FAM20A: variants seen among roughly 807,000 people sequenced by gnomAD.
The protein encoded by FAM20A is pseudokinase FAM20A.
Under a neutral mutation model 52.0 loss-of-function variants are expected in FAM20A, and 42 were observed. The ratio of observed to expected loss-of-function variants is 0.81; its 90% CI spans 0.63 to 1.04. FAM20A has a LOEUF of 1.04. Among genes scored for constraint, FAM20A ranks in the 50% least tolerant of loss-of-function variants. FAM20A has a pLI of 0.00. For missense variants in FAM20A, 742 were observed against 712.7 expected (o/e 1.04, Z -0.47); for synonymous variants, 304 against 298.9 (o/e 1.02, Z -0.18).
intron 6 of FAM20A, 145 bp from the exon 7 acceptor site, chr17:68,542,310 T>C: frequency 1.1e-6 from 1 of 939,338 alleles, no homozygotes; most frequent in Non-Finnish European, 1.6e-6. Flanking sequence ...AACATTGACT[T>C]TTCCAGAAGT....
At chr17:68,577,734 G>A (rs2087813966) in intron 1 of FAM20A, among the ~76,000 whole-genome samples, 1 of 152,100 alleles carries the variant, frequency 6.6e-6, no homozygotes, top group South Asian at 2.1e-4. Flanking sequence ...ACGCGTAAAA[G>A]CCTTCCTCAG....
rs2087540487 is a variant in FAM20A, at chr17:68,571,745, C to G, written c.405-16002G>C. ...TCCTCCTTCATACTGTTCTATTTCTCCTGTGACACGGAAGGATTCAGGTTT... is the reference window on the plus strand; with the variant it reads ...TCCTCCTTCATACTGTTCTATTTCTGCTGTGACACGGAAGGATTCAGGTTT... On this transcript the variant is annotated intron_variant, in intron 1 of 10. Transcript: ENST00000592554. Among the ~76,000 whole-genome samples the G allele has an allele frequency of 2.0e-5, 3 of 151,748 alleles. No homozygotes were observed. The South Asian group carries it at 6.2e-4, about 32-fold the overall frequency.
intron 6 of FAM20A, 86 bp downstream of exon 6, chr17:68,542,608 G>C: frequency 2.0e-6 from 2 of 991,808 alleles, no homozygotes; most frequent in Non-Finnish European, 3.2e-6. Context: ...TAGCAGCAGG[G>C]TGTCAGGCCA....
At chr17:68,546,382 G>A (rs1255824768) in intron 4 of FAM20A, among the ~76,000 whole-genome samples, 1 of 151,894 alleles carries the variant, frequency 6.6e-6, no homozygotes, top group Non-Finnish European at 1.5e-5. Context: ...TCCTGTTAAT[G>A]TTGATATTTT....
Position 68,543,607 on chromosome 17 carries a change from TCTCC to T in FAM20A, c.812+18_812+21del. On this transcript the variant is annotated intron_variant, in intron 5 of 10. Coordinates refer to ENST00000592554, the MANE Select transcript of FAM20A (RefSeq NM_017565.4). ...GGATTGGTCCTTATAGGCAATGCCA[TCTCC>T]ATGGGGCCAGACCCTACCTGTCCAG... The T allele has an allele frequency of 6.2e-7, 1 of 1,611,096 alleles. No individual in the cohort carries two copies.
intron 3 of FAM20A, among the ~76,000 whole-genome samples, chr17:68,554,376 C>T (rs1414197415): frequency 6.6e-6 from 1 of 152,190 alleles, no homozygotes; most frequent in African/African-American, 2.4e-5. Context: ...GCTGGGATTA[C>T]AGGTGTGAGC....
intron 1 of FAM20A, among the ~76,000 whole-genome samples, chr17:68,598,471 C>A (rs958691866): frequency 7.9e-5 from 12 of 152,134 alleles, no homozygotes; most frequent in African/African-American, 2.4e-5. Flanking sequence ...GGCCCACAAA[C>A]CTTACTTGGG....
rs1247616267 is a variant in FAM20A, at chr17:68,536,458, A to T, written c.*1019T>A. ...CAGGGAGAAGGTAGAGGAGACAAGGAATCCCTACTACACTTTCTTCTAAGG... is the reference window on the plus strand; with the variant it reads ...CAGGGAGAAGGTAGAGGAGACAAGGTATCCCTACTACACTTTCTTCTAAGG... On this transcript the variant is annotated 3_prime_UTR_variant, in exon 11 of 11. Transcript: ENST00000592554. 1 of 454,148 alleles carries T rather than the reference A, an allele frequency of 2.2e-6. No homozygotes were observed. The highest frequency in any genetic ancestry group is 2.3e-5 in the Admixed American group (1 of 42,578). 28.1% of individuals were successfully genotyped at this position (454,148 alleles called of 1,614,324 possible).
At chr17:68,574,274 AG>A (rs2087662741) in intron 1 of FAM20A, among the ~76,000 whole-genome samples, 1 of 152,150 alleles carries the variant, frequency 6.6e-6, no homozygotes, top group Non-Finnish European at 1.5e-5. Context: ...TATGTTGCCC[AG>A]GCTGGTCTCA....
chr17:68,588,359 T>TA (rs2088216210), intron 1 of FAM20A, among the ~76,000 whole-genome samples: 1 of 152,208 alleles, frequency 6.6e-6, no homozygotes, highest in African/African-American at 2.4e-5. Flanking sequence ...AAATTTCAGA[T>TA]ATGGCTTTGC....
In FAM20A at chr17:68,601,124, C is replaced by T. The variant is rs1337224610; in HGVS notation, c.-458G>A. On this transcript the variant is annotated 5_prime_UTR_variant, in exon 1 of 11. Transcript: ENST00000592554. ...GGCGTCTCTCCTGAGGATGCTGTCG[C>T]TCGGCGGCGGCTGCTAGTGCTCCCG... is the stretch of plus-strand genomic sequence containing the variant. 6.6e-6 allele frequency: 1 copy of T among 152,036 alleles called. No individual in the cohort carries two copies. Among genetic ancestry groups the T allele is most frequent in the South Asian group, 2.1e-4 (1 of 4,834 alleles). The allele number at this position is 152,036 out of a possible 1,614,324, so 9.4% of individuals were successfully genotyped here. A position where few individuals can be genotyped will look rare whatever the true frequency, so the allele number is the denominator to read the frequency against.
chr17:68,541,915 A>C, intron 7 of FAM20A, 70 bp downstream of exon 7: 1 of 1,526,130 alleles, frequency 6.6e-7, no homozygotes, highest in Admixed American at 2.0e-5. Flanking sequence ...CCAAGCTAGC[A>C]ACAAGTCCCT....
In FAM20A at chr17:68,600,442, C is replaced by G. The variant is rs764564897; in HGVS notation, c.225G>C (p.Glu75Asp). ...GTIVHNFSRT[E>D]PRTEPAGGSH... is the part of the protein sequence containing the mutation. ...TGCCGCCAGCCGGTTCAGTCCGGGG[C>G]TCGGTTCGGGAAAAGTTGTGCACGA... Residue 75 changes from glutamate to aspartate, a missense_variant, in exon 1 of 11, where the codon GAG (glutamate) becomes GAC (aspartate). Transcript: ENST00000592554. The surrounding 1 kb of genome is among the most constrained non-coding windows in gnomAD (Gnocchi z 6.2). 6.2e-7 allele frequency: 1 copy of G among 1,611,230 alleles called. No homozygotes were observed. Among genetic ancestry groups the G allele is most frequent in the Non-Finnish European group, 8.5e-7 (1 of 1,179,008 alleles).
At chr17:68,565,383 C>CTTTTTTTTTTTTTTTTTT (rs796800181) in intron 1 of FAM20A, among the ~76,000 whole-genome samples, 8 of 103,794 alleles carry the variant, frequency 7.7e-5, no homozygotes, top group African/African-American at 3.5e-4. Flanking sequence ...CCATTACCTC[C>CTTTTTTTTTTTTTTTTTT]TTTTTTTTTT....
chr17:68,543,613 T>C lies in FAM20A; in HGVS notation c.812+16A>G. ...GTCCTTATAGGCAATGCCATCTCCA[T>C]GGGGCCAGACCCTACCTGTCCAGAT... is the stretch of plus-strand genomic sequence containing the variant. On this transcript the variant is annotated intron_variant, in intron 5 of 10. Coordinates refer to ENST00000592554, the MANE Select transcript of FAM20A (RefSeq NM_017565.4). The C allele has an allele frequency of 1.2e-6, 2 of 1,613,052 alleles. No homozygotes were observed. Among genetic ancestry groups the C allele is most frequent in the South Asian group, 1.1e-5 (1 of 91,052 alleles).
chr17:68,547,803 G>A (rs566625223), intron 4 of FAM20A, among the ~76,000 whole-genome samples: 1 of 152,242 alleles, frequency 6.6e-6, no homozygotes, highest in South Asian at 2.1e-4. Flanking sequence ...GTTTAGTGGA[G>A]CAGCGCTTTT....
intron 7 of FAM20A, 73 bp from the exon 8 acceptor site, chr17:68,541,031 C>T (rs1289761487): frequency 3.9e-6 from 6 of 1,545,746 alleles, no homozygotes; most frequent in Non-Finnish European, 5.2e-6. Flanking sequence ...CCACACCTCC[C>T]CCTGCCCCCC....
intron 1 of FAM20A, among the ~76,000 whole-genome samples, chr17:68,597,390 ATT>A (rs5821666): frequency 1.4e-5 from 2 of 147,110 alleles, no homozygotes; most frequent in Non-Finnish European, 1.5e-5. Flanking sequence ...AGGCATCCAC[ATT>A]TTTTTTTTTT....
At chr17:68,547,599 C>T (rs190828329) in intron 4 of FAM20A, among the ~76,000 whole-genome samples, 217 of 152,362 alleles carry the variant, frequency 1.4e-3, no homozygotes, top group African/African-American at 5.0e-3. Context: ...GCCTGGTGAA[C>T]TAACCTCTGC....
Sources: allele counts gnomAD v4.1 joint callset (sites outside exome capture counted in the v4.1 genomes callset), GRCh38; gene constraint gnomAD v4.1.1; non-coding constraint Gnocchi (gnomAD v3.1); transcripts MANE v1.5; gene names NCBI Gene and HGNC (gene_info 2026-07-23, HGNC 2026-07-21).